RANBP17: variants seen among roughly 807,000 people sequenced by gnomAD.
The protein encoded by RANBP17 is ran-binding protein 17.
In RANBP17, 158 loss-of-function variants were observed where a neutral mutation model predicts 141.2. That is an observed-to-expected ratio of 1.12 (90% CI 0.98 to 1.28). The LOEUF (loss-of-function observed/expected upper bound fraction) is 1.28. Ranked by LOEUF, RANBP17 falls within the 50% of genes most tolerant of loss-of-function variation. The probability of loss-of-function intolerance (pLI) is 0.00; values close to 1 mark genes in which losing one functional copy is unlikely to be tolerated. For synonymous variants in RANBP17, 430 were observed against 450.0 expected (o/e 0.96, Z 0.56); for missense variants, 1,438 against 1,290.7 (o/e 1.11, Z -1.75).
intron 14 of RANBP17, among the ~76,000 whole-genome samples, chr5:171,005,301 A>G (rs1306568339): frequency 1.3e-5 from 2 of 152,206 alleles, no homozygotes; most frequent in Non-Finnish European, 1.5e-5. Flanking sequence ...TCCTAAGCCA[A>G]AAGAACAAAG....
intron 16 of RANBP17, among the ~76,000 whole-genome samples, chr5:171,182,313 A>T (rs1760911008): frequency 6.6e-6 from 1 of 152,318 alleles, no homozygotes; most frequent in Admixed American, 6.5e-5. Context: ...TACTGACTAG[A>T]TGTGTTTAGA....
intron 14 of RANBP17, among the ~76,000 whole-genome samples, chr5:170,990,220 A>G (rs952500287): frequency 2.0e-5 from 3 of 151,896 alleles, no homozygotes; most frequent in Non-Finnish European, 2.9e-5. Context: ...TTTAGATTCT[A>G]CTACACATAA....
intron 14 of RANBP17, among the ~76,000 whole-genome samples, chr5:170,986,115 G>T (rs1291248998): frequency 6.6e-6 from 1 of 152,014 alleles, no homozygotes; most frequent in Non-Finnish European, 1.5e-5. Context: ...TTAGTTAATA[G>T]CTTCATCTTT....
chr5:171,174,749 A>AGTGT (rs1554110429), intron 16 of RANBP17, among the ~76,000 whole-genome samples: 1 of 91,284 alleles, frequency 1.1e-5, no homozygotes, highest in Admixed American at 1.2e-4. Flanking sequence ...AAAAATATCT[A>AGTGT]GAGTGTGTGT....
intron 14 of RANBP17, among the ~76,000 whole-genome samples, chr5:171,166,675 C>A (rs1759719437): frequency 6.6e-6 from 1 of 152,120 alleles, no homozygotes; most frequent in African/African-American, 2.4e-5. Flanking sequence ...TTCTCACTCC[C>A]AAATTATCCA....
intron 14 of RANBP17, among the ~76,000 whole-genome samples, chr5:171,065,778 A>G (rs1435625375): frequency 6.6e-6 from 1 of 152,126 alleles, no homozygotes; most frequent in African/African-American, 2.4e-5. Context: ...GCATGTTTTT[A>G]TACCTTGGAG....
chr5:171,072,294 C>T (rs1784677477), intron 14 of RANBP17, among the ~76,000 whole-genome samples: 1 of 152,104 alleles, frequency 6.6e-6, no homozygotes, highest in South Asian at 2.1e-4. Context: ...CACAGTCCTA[C>T]TGACACCTTA....
intron 4 of RANBP17, among the ~76,000 whole-genome samples, chr5:170,895,696 A>C (rs1413707998): frequency 6.6e-6 from 1 of 152,094 alleles, no homozygotes; most frequent in Non-Finnish European, 1.5e-5. Flanking sequence ...GCTTATTCTT[A>C]TTCTTGGTCT....
rs74468093 is a variant in RANBP17, at chr5:171,153,132, T to A, written c.1711-16998T>A. On this transcript the variant is annotated intron_variant, in intron 14 of 27. Coordinates refer to ENST00000523189, the MANE Select transcript of RANBP17 (RefSeq NM_022897.5). The stretch of plus-strand genomic sequence containing the variant: ...TGCTAGATTATCACCTATTTTCTCA[T>A]TGATTGATTGGATATTGATTAGAGT... 5.9e-3 allele frequency among the ~76,000 whole-genome samples: 906 copies of A among 152,290 alleles called. 14 individuals are homozygous for A. Among genetic ancestry groups the A allele is most frequent in the African/African-American group, 0.021 (875 of 41,580 alleles).
At chr5:170,875,822 CA>C (rs1157203794) in intron 1 of RANBP17, among the ~76,000 whole-genome samples, 1 of 152,176 alleles carries the variant, frequency 6.6e-6, no homozygotes, top group Non-Finnish European at 1.5e-5. Flanking sequence ...GGAGAAGAAG[CA>C]CTCTGGCCTT....
chr5:171,188,031 G>A (rs1438279239), intron 18 of RANBP17, among the ~76,000 whole-genome samples: 4 of 152,094 alleles, frequency 2.6e-5, no homozygotes, highest in Non-Finnish European at 4.4e-5. Flanking sequence ...ACCCCTCTAT[G>A]TTTCTTGCTT....
At chr5:171,036,075 A>G (rs1359663491) in intron 14 of RANBP17, among the ~76,000 whole-genome samples, 2 of 152,012 alleles carry the variant, frequency 1.3e-5, no homozygotes, top group Non-Finnish European at 2.9e-5. Flanking sequence ...GTATTTTTAC[A>G]AAATACAACA....
intron 22 of RANBP17, among the ~76,000 whole-genome samples, chr5:171,236,157 G>C (rs1008845867): frequency 3.9e-5 from 6 of 152,192 alleles, no homozygotes; most frequent in Non-Finnish European, 7.3e-5. Flanking sequence ...ATGTCAGCAA[G>C]TTGCAGTTCT....
intron 12 of RANBP17, among the ~76,000 whole-genome samples, chr5:170,947,719 C>G (rs1182191289): frequency 2.6e-5 from 4 of 152,078 alleles, no homozygotes; most frequent in African/African-American, 9.7e-5. Context: ...AGTGTATACT[C>G]TATCTAGTTG....
chr5:171,229,994 G>A (rs1174509346), intron 22 of RANBP17, among the ~76,000 whole-genome samples: 2 of 151,812 alleles, frequency 1.3e-5, no homozygotes, highest in Non-Finnish European at 2.9e-5. Flanking sequence ...GAACCCGGAA[G>A]GCAAAGGTTG....
chr5:170,978,201 T>G (rs1777526602), intron 14 of RANBP17, among the ~76,000 whole-genome samples: 1 of 152,130 alleles, frequency 6.6e-6, no homozygotes, highest in Admixed American at 6.5e-5. Flanking sequence ...TTTTAAAAAC[T>G]GATCAAACCT....
intron 14 of RANBP17, among the ~76,000 whole-genome samples, chr5:171,072,973 A>G (rs940599525): frequency 3.3e-5 from 5 of 152,140 alleles, no homozygotes; most frequent in Non-Finnish European, 7.4e-5. Context: ...AAGGCAGTGT[A>G]TAGTATTATT....
intron 5 of RANBP17, among the ~76,000 whole-genome samples, chr5:170,900,229 G>T (rs1440324445): frequency 1.3e-5 from 2 of 150,582 alleles, no homozygotes; most frequent in South Asian, 2.1e-4. Flanking sequence ...ATTCAACTTG[G>T]GTTTAGTCTT....
At chr5:171,178,301 A>T (rs1283460678) in intron 16 of RANBP17, among the ~76,000 whole-genome samples, 2 of 151,758 alleles carry the variant, frequency 1.3e-5, no homozygotes, top group Non-Finnish European at 2.9e-5. Flanking sequence ...GTTAGTTCGC[A>T]GAGAATGATG....
Sources: gnomAD v4.1 joint callset for allele counts (sites outside exome capture counted in the v4.1 genomes callset) on GRCh38, gnomAD v4.1.1 for gene constraint, MANE v1.5 for transcripts, NCBI Gene and HGNC (gene_info 2026-07-23, HGNC 2026-07-21) for gene names.